IK: variants seen among roughly 807,000 people sequenced by gnomAD.
IK encodes protein Red.
IK carries 47 observed loss-of-function variants against 90.9 expected under a neutral mutation model. That is an observed-to-expected ratio of 0.52 (90% CI 0.41 to 0.66). IK has a LOEUF of 0.66. Among genes scored for constraint, IK ranks in the 30% least tolerant of loss-of-function variants. IK has a pLI of 0.00. For missense variants in IK, 385 were observed against 709.3 expected, an observed-to-expected ratio of 0.54 and a Z score of 5.19; for synonymous variants, 201 against 227.5, an observed-to-expected ratio of 0.88 and a Z score of 1.05.
Position 140,652,073 on chromosome 5 carries a change from T to G in IK, c.177-15T>G. The G allele has an allele frequency of 6.2e-7, 1 of 1,609,982 alleles. No homozygotes were observed. ...GGCAATATTTTGCTATCAGTGAATT[T>G]CTCGTCTCTTCTAGGATGCCAAGGG... On this transcript the variant is annotated splice_polypyrimidine_tract_variant and intron_variant, in intron 3 of 19. Coordinates refer to ENST00000417647, the MANE Select transcript of IK (RefSeq NM_006083.4).
chr5:140,662,019 G>GGCCC lies in IK; in HGVS notation c.1611+13_1611+16dup. 6.3e-7 allele frequency: 1 copy of GGCCC among 1,592,134 alleles called. No individual in the cohort carries two copies. The highest frequency in any genetic ancestry group is 8.6e-7 in the Non-Finnish European group (1 of 1,166,436). ...AGAAGATTAGTGCAGTAAGTAGGATGGCCCCTTGGGTGGGAGGGTTTCAGC... is the reference window on the plus strand; with the variant it reads ...AGAAGATTAGTGCAGTAAGTAGGATGGCCCGCCCCTTGGGTGGGAGGGTTTCAGC... On this transcript the variant is annotated intron_variant, in intron 18 of 19. Coordinates refer to ENST00000417647, the MANE Select transcript of IK (RefSeq NM_006083.4).
intron 14 of IK, 132 bp from the exon 15 acceptor site, chr5:140,659,983 C>A: frequency 1.1e-6 from 1 of 938,172 alleles, no homozygotes; most frequent in Non-Finnish European, 1.7e-6. Context: ...TGTTCCTTCC[C>A]AGAGCACCCA....
At position 140,660,741 on chromosome 5, in the gene IK, CT is replaced by C; in HGVS notation, c.1356-16del. 1.2e-6 allele frequency: 2 copies of C among 1,608,922 alleles called. No individual in the cohort carries two copies. The highest frequency in any genetic ancestry group is 4.5e-5 in the East Asian group (2 of 44,844). Reference sequence around the variant, plus strand: ...GTCAGGGTATGCAACATCTGTTTAACTCTTGCTTCTCCTTAGGATGGATGAC... The same window carrying C: ...GTCAGGGTATGCAACATCTGTTTAACCTTGCTTCTCCTTAGGATGGATGAC... On this transcript the variant is annotated splice_polypyrimidine_tract_variant and intron_variant, in intron 15 of 19. Coordinates refer to ENST00000417647, the MANE Select transcript of IK (RefSeq NM_006083.4).
intron 14 of IK, 26 bp from the exon 15 acceptor site, chr5:140,660,089 G>C (rs765746442): frequency 5.6e-6 from 9 of 1,595,314 alleles, no homozygotes; most frequent in Non-Finnish European, 6.9e-6. Context: ...AGAATCCTGT[G>C]TAGTGTTTTC....
chr5:140,661,896 C>T lies in IK; in HGVS notation c.1503-3C>T, dbSNP rs772985824. 1.9e-6 allele frequency: 3 copies of T among 1,603,700 alleles called. No homozygotes were observed. The highest frequency in any genetic ancestry group is 3.4e-5 in the Admixed American group (2 of 58,332). Reference sequence around the variant, plus strand: ...TGCATTCTTTCCCAACTGCTTTTTTCAGGGCTGCATTCCAGTATGGTATCA... The same window carrying T: ...TGCATTCTTTCCCAACTGCTTTTTTTAGGGCTGCATTCCAGTATGGTATCA... On this transcript the variant is annotated splice_region_variant and splice_polypyrimidine_tract_variant and intron_variant, in intron 17 of 19. Transcript: ENST00000417647. The surrounding 1 kb of genome is among the most constrained non-coding windows in gnomAD (Gnocchi z 4.2).
At chr5:140,649,251 C>G (rs1433185309) in intron 2 of IK, among the ~76,000 whole-genome samples, 1 of 150,372 alleles carries the variant, frequency 6.7e-6, no homozygotes, top group Non-Finnish European at 1.5e-5. Flanking sequence ...CACTGTTACC[C>G]AGGCTGGAGT....
rs923634560 is a variant in IK, at chr5:140,659,130, A to G, written c.1142A>G (p.His381Arg). The G allele has an allele frequency of 9.4e-6, 15 of 1,597,914 alleles. No homozygotes were observed. Among genetic ancestry groups the G allele is most frequent in the Non-Finnish European group, 1.2e-5 (14 of 1,172,128 alleles). Residue 381 changes from histidine (H) to arginine (R), a missense_variant, in exon 12 of 20, where the codon CAC becomes CGC. Physicochemically the swap from His to Arg is conservative, Grantham distance 29. Around this residue, in one of 8 missense-constraint regions of IK, gnomAD observed 139 missense variants for 172.0 expected, o/e 0.81. Coordinates refer to ENST00000417647, the MANE Select transcript of IK (RefSeq NM_006083.4). ...GAGAGAGAAGAGGAAAAGAAGAGACACAGCTACTTTGAGAAGCCAAAAGTA... is the reference window on the plus strand; with the variant it reads ...GAGAGAGAAGAGGAAAAGAAGAGACGCAGCTACTTTGAGAAGCCAAAAGTA... ...DREREEEKKR[H>R]SYFEKPKVDD... is the part of the protein sequence containing the mutation.
chr5:140,648,524 C>T lies in IK; in HGVS notation c.70C>T (p.His24Tyr), dbSNP rs1180247216. ...CGATGGCCACGATGTGGATGATCCT[C>T]ACTCCTTCCACCAGTGAGTATTTTG... ...APDGHDVDDP[H>Y]SFHQSKLTNE... Residue 24 changes from histidine (H) to tyrosine (Y), a missense_variant, in exon 2 of 20, where the codon CAC becomes TAC. His to Tyr is a moderately conservative substitution (Grantham distance 83). Coordinates refer to ENST00000417647, the MANE Select transcript of IK (RefSeq NM_006083.4). The T allele has an allele frequency of 6.2e-7, 1 of 1,613,918 alleles. No individual in the cohort carries two copies. Among genetic ancestry groups the T allele is most frequent in the South Asian group, 1.1e-5 (1 of 91,084 alleles).
intron 8 of IK, among the ~76,000 whole-genome samples, chr5:140,655,569 G>C (rs1291794911): frequency 6.6e-6 from 1 of 152,206 alleles, no homozygotes; most frequent in African/African-American, 2.4e-5. Flanking sequence ...AGGAGCCCAG[G>C]CTTTGGAGTT....
chr5:140,655,947 C>T lies in IK; in HGVS notation c.756C>T (p.Ile252=), dbSNP rs774756740. 3.2e-6 allele frequency: 5 copies of T among 1,560,252 alleles called. No homozygotes were observed. The highest frequency in any genetic ancestry group is 1.4e-5 in the African/African-American group (1 of 73,674). Residue 252 remains isoleucine, a synonymous_variant, in exon 9 of 20, where the codon ATC becomes ATT. Transcript: ENST00000417647. Reference sequence around the variant, plus strand: ...ATGATGAGTATGCTGACACAGATATCCCCACCACTCTTATCCGCAGCAAGG... The same window carrying T: ...ATGATGAGTATGCTGACACAGATATTCCCACCACTCTTATCCGCAGCAAGG... ...DLDDEYADTD[I]PTTLIRSKAD... is the part of the protein sequence containing the mutation.
chr5:140,660,709 G>C, intron 15 of IK, 49 bp from the exon 16 acceptor site: 1 of 1,475,864 alleles, frequency 6.8e-7, no homozygotes, highest in South Asian at 1.1e-5. Context: ...TCCAGATGAA[G>C]CATAGGGTCA....
At chr5:140,659,942 C>A (rs73791738) in intron 14 of IK, 108 bp downstream of exon 14, 3 of 968,414 alleles carry the variant, frequency 3.1e-6, no homozygotes, top group African/African-American at 1.6e-5. Context: ...TTCCCTTTTA[C>A]GCTGAATTTT....
chr5:140,657,467 C>G (rs1360525103), intron 9 of IK, 87 bp from the exon 10 acceptor site: 1 of 909,414 alleles, frequency 1.1e-6, no homozygotes, highest in Non-Finnish European at 1.7e-6. Context: ...TATTGTAATT[C>G]AGTCTTTAGT....
intron 10 of IK, among the ~76,000 whole-genome samples, chr5:140,657,910 A>T (rs1561978299): frequency 6.6e-6 from 1 of 152,096 alleles, no homozygotes; most frequent in East Asian, 1.9e-4. Flanking sequence ...CTATTTATTT[A>T]TTTTTTTTAA....
chr5:140,653,073 C>G lies in IK; in HGVS notation c.333C>G (p.Asn111Lys). Residue 111 changes from asparagine to lysine, a missense_variant, in exon 5 of 20, where the codon AAC becomes AAG. By Grantham distance (94) the Asn-to-Lys change is moderately conservative. Around this residue, in one of 8 missense-constraint regions of IK, gnomAD observed 64 missense variants for 144.6 expected, o/e 0.44. Transcript: ENST00000417647. ...DRAKERRDGV[N>K]KDYEETELIS... ...CCAAGGAACGGAGAGATGGAGTGAA[C>G]AAAGATTATGAAGAAACCGAGCTTA... is the stretch of plus-strand genomic sequence containing the variant. 1 of 1,613,782 alleles carries G rather than the reference C, an allele frequency of 6.2e-7. No homozygotes were observed. The highest frequency in any genetic ancestry group is 8.5e-7 in the Non-Finnish European group (1 of 1,179,850).
chr5:140,660,724 A>C, intron 15 of IK, 34 bp from the exon 16 acceptor site: 1 of 1,568,002 alleles, frequency 6.4e-7, no homozygotes, highest in Non-Finnish European at 8.8e-7. Flanking sequence ...GGGTCAGGGT[A>C]TGCAACATCT....
intron 1 of IK, 100 bp downstream of exon 1, chr5:140,648,024 G>GTA: frequency 1.0e-6 from 1 of 1,000,018 alleles, no homozygotes; most frequent in Non-Finnish European, 1.6e-6. Flanking sequence ...GTGTGTGTGT[G>GTA]TGTGTGTGTG....
In IK at chr5:140,648,258, A is replaced by G; in HGVS notation, c.17-213A>G. The stretch of plus-strand genomic sequence containing the variant: ...TAGTATTTTAGACGTGATCTTCCGG[A>G]AGTCTTCTCTGATCCTCCAGCGCAG... On this transcript the variant is annotated intron_variant, in intron 1 of 19. Transcript: ENST00000417647. 4 of 706,156 alleles carry G rather than the reference A, an allele frequency of 5.7e-6. No homozygotes were observed. The South Asian group carries it at 5.9e-5, about 10-fold the overall frequency. The allele number at this position is 706,156 out of a possible 1,614,324, so 43.7% of individuals were successfully genotyped here. A position where few individuals can be genotyped will look rare whatever the true frequency, so the allele number is the denominator to read the frequency against.
At chr5:140,660,292 C>CTTTTTTTTGTTTTTTTTTTT (rs1757781672) in intron 15 of IK, 97 bp downstream of exon 15, 1 of 245,104 alleles carries the variant, frequency 4.1e-6, no homozygotes, top group East Asian at 8.1e-5. Flanking sequence ...AGGGCTACTT[C>CTTTTTTTTGTTTTTTTTTTT]TTTTTTTTTT....
Sources: gnomAD v4.1 joint callset for allele counts (sites outside exome capture counted in the v4.1 genomes callset) on GRCh38, gnomAD v4.1.1 for gene constraint, gnomAD v4.1.1 regional missense constraint, Gnocchi (gnomAD v3.1) non-coding constraint, MANE v1.5 for transcripts, NCBI Gene and HGNC (gene_info 2026-07-23, HGNC 2026-07-21) for gene names.